Variants in MDM4 observed in about 807,000 individuals in gnomAD.
MDM4 encodes protein Mdm4.
Under a neutral mutation model 60.2 loss-of-function variants are expected in MDM4, and 2 were observed. The ratio of observed to expected loss-of-function variants is 0.03; its 90% CI spans 0.01 to 0.10. MDM4 has a LOEUF of 0.10. Among genes scored for constraint, MDM4 ranks in the 10% least tolerant of loss-of-function variants. The pLI, the probability that MDM4 is intolerant of heterozygous loss-of-function variation, is 1.00. For synonymous variants in MDM4, 202 were observed against 198.1 expected (o/e 1.02, Z -0.17); for missense variants, 447 against 577.5 (o/e 0.77, Z 2.32).
At chr1:204,543,486 A>G (rs574138940) in intron 8 of MDM4, among the ~76,000 whole-genome samples, 1 of 152,210 alleles carries the variant, frequency 6.6e-6, no homozygotes, top group Non-Finnish European at 1.5e-5. Context: ...CTGACACTGT[A>G]GCCCAAAATT....
chr1:204,523,501 T>TTGA (rs1659791860), intron 1 of MDM4, among the ~76,000 whole-genome samples: 8 of 117,462 alleles, frequency 6.8e-5, no homozygotes, highest in African/African-American at 2.2e-4. Context: ...TTTTTTTTTT[T>TTGA]GCGACAGGGT....
intron 1 of MDM4, among the ~76,000 whole-genome samples, 160 bp downstream of exon 1, chr1:204,516,669 G>A (rs1266318634): frequency 6.6e-6 from 1 of 152,302 alleles, no homozygotes; most frequent in East Asian, 1.9e-4. Flanking sequence ...GAAGGGCTCG[G>A]GGGGAGGGGA....
intron 10 of MDM4, among the ~76,000 whole-genome samples, chr1:204,547,978 T>C (rs1383142533): frequency 1.3e-5 from 2 of 152,204 alleles, no homozygotes; most frequent in Non-Finnish European, 2.9e-5. Flanking sequence ...CGCCTCAGCC[T>C]CCCACAGTGC....
In MDM4 at chr1:204,557,315, C is replaced by A. The variant is rs903819549; in HGVS notation, c.*7633C>A. ...TGAGGCTCTTGACCAGAAAAGAGTT[C>A]TTTCTCTAGGTGTTCTGAGAGAAGT... On this transcript the variant is annotated 3_prime_UTR_variant, in exon 11 of 11. Coordinates refer to ENST00000367182, the MANE Select transcript of MDM4 (RefSeq NM_002393.5). 5.3e-6 allele frequency: 1 copy of A among 187,764 alleles called. No homozygotes were observed. Among genetic ancestry groups the A allele is most frequent in the Admixed American group, 6.2e-5 (1 of 16,146 alleles). The allele number at this position is 187,764 out of a possible 1,614,324, so 11.6% of individuals were successfully genotyped here.
chr1:204,543,758 C>T (rs1001133444), intron 8 of MDM4, among the ~76,000 whole-genome samples: 1 of 152,206 alleles, frequency 6.6e-6, no homozygotes, highest in Non-Finnish European at 1.5e-5. Flanking sequence ...AGCCACTCTT[C>T]TCTTTTATCC....
At chr1:204,543,508 C>T (rs1383875850) in intron 8 of MDM4, among the ~76,000 whole-genome samples, 1 of 152,240 alleles carries the variant, frequency 6.6e-6, no homozygotes, top group Non-Finnish European at 1.5e-5. Context: ...CTGCCTTCCT[C>T]AGGCACCTTA....
At chr1:204,532,921 C>T (rs774260193) in intron 5 of MDM4, 2 of 1,340,186 alleles carry the variant, frequency 1.5e-6, no homozygotes, top group Non-Finnish European at 2.1e-6. Flanking sequence ...GCCAAGAAAG[C>T]TTTATAGGTA....
intron 10 of MDM4, 88 bp downstream of exon 10, chr1:204,546,965 T>C: frequency 1.3e-6 from 1 of 753,072 alleles, no homozygotes; most frequent in East Asian, 2.8e-5. Flanking sequence ...AAGAGTGCTG[T>C]TTACCCCTCA....
rs4252668 is a variant in MDM4, at chr1:204,516,444, T to C, written c.-101T>C. 1,125 of 152,284 alleles carry C rather than the reference T, an allele frequency of 7.4e-3. 8 individuals carry two copies. Among genetic ancestry groups the C allele is most frequent in the Middle Eastern group, 0.017 (5 of 294 alleles). 9.4% of individuals were successfully genotyped at this position (152,284 alleles called of 1,614,324 possible). ...TCAAAATGCTGCCGAGGCCCTAGGA[T>C]CTGTGACTGCCACCCCTCCCCCCAC... On this transcript the variant is annotated 5_prime_UTR_variant, in exon 1 of 11. Transcript: ENST00000367182.
intron 9 of MDM4, among the ~76,000 whole-genome samples, chr1:204,544,967 A>G (rs1233697704): frequency 6.6e-6 from 1 of 152,252 alleles, no homozygotes; most frequent in East Asian, 1.9e-4. Context: ...GTGCTAATCA[A>G]GCTTGTCCAA....
intron 1 of MDM4, among the ~76,000 whole-genome samples, chr1:204,518,922 A>G (rs1659270596): frequency 6.6e-6 from 1 of 152,142 alleles, no homozygotes. Context: ...TTGGCCTCCC[A>G]AAGTGCTGGG....
intron 2 of MDM4, 33 bp downstream of exon 2, chr1:204,525,629 T>G (rs763081695): frequency 1.0e-4 from 58 of 562,408 alleles, no homozygotes; most frequent in East Asian, 5.0e-4. Flanking sequence ...AGTTTTTTGG[T>G]TTTTTTTTTT....
At position 204,533,817 on chromosome 1, in the gene MDM4, C is replaced by G. The variant is rs183144756; in HGVS notation, c.343+1571C>G. ...TTTTTTAAATGTAGAGCGTCTTGCT[C>G]TGTCACTCAGGCTGGAATGCAGTGG... On this transcript the variant is annotated intron_variant, in intron 5 of 10. Coordinates refer to ENST00000367182, the MANE Select transcript of MDM4 (RefSeq NM_002393.5). 3.2e-3 allele frequency among the ~76,000 whole-genome samples: 445 copies of G among 138,814 alleles called. 3 individuals carry two copies. The highest frequency in any genetic ancestry group is 0.011 in the African/African-American group (423 of 38,302). 91.1% of individuals were successfully genotyped at this position (138,814 alleles called of 152,430 possible). A position where few individuals can be genotyped will look rare whatever the true frequency, so the allele number is the denominator to read the frequency against.
In MDM4 at chr1:204,519,299, C is replaced by T. The variant is rs150970898; in HGVS notation, c.-36+2790C>T. ...TGGGCGGATCACCTGGTTGGGAGTT[C>T]GAGACCAGCCTGACCAACAAAAAGA... On this transcript the variant is annotated intron_variant, in intron 1 of 10. Transcript: ENST00000367182. 3.0e-4 allele frequency among the ~76,000 whole-genome samples: 45 copies of T among 152,122 alleles called. 1 individual carries two copies. The East Asian group carries it at 6.8e-3, about 23-fold the overall frequency.
At chr1:204,524,900 C>A (rs1346296766) in intron 1 of MDM4, among the ~76,000 whole-genome samples, 1 of 152,152 alleles carries the variant, frequency 6.6e-6, no homozygotes, top group Non-Finnish European at 1.5e-5. Flanking sequence ...TACATCTTTT[C>A]TTTGATGGTA....
chr1:204,543,190 A>G (rs1212931661), intron 8 of MDM4, among the ~76,000 whole-genome samples: 2 of 152,146 alleles, frequency 1.3e-5, no homozygotes, highest in Non-Finnish European at 2.9e-5. Context: ...ACATTGAACA[A>G]TTTCAAAATG....
chr1:204,546,951 G>A (rs1662727571), intron 10 of MDM4, 74 bp downstream of exon 10: 14 of 902,738 alleles, frequency 1.6e-5, no homozygotes, highest in Non-Finnish European at 2.3e-5. Flanking sequence ...GTTCACTTGT[G>A]TTGAAGAGTG....
intron 1 of MDM4, among the ~76,000 whole-genome samples, chr1:204,524,734 G>A (rs1572455622): frequency 6.6e-6 from 1 of 152,254 alleles, no homozygotes; most frequent in Non-Finnish European, 1.5e-5. Context: ...CCGAGATTGC[G>A]CCATTGCGCT....
At chr1:204,522,073 A>C (rs1366195254) in intron 1 of MDM4, among the ~76,000 whole-genome samples, 1 of 152,168 alleles carries the variant, frequency 6.6e-6, no homozygotes, top group Admixed American at 6.5e-5. Flanking sequence ...CTGTAATCCC[A>C]GGGATTACAG....
Sources: gnomAD v4.1 joint callset for allele counts (sites outside exome capture counted in the v4.1 genomes callset) on GRCh38, gnomAD v4.1.1 for gene constraint, MANE v1.5 for transcripts, NCBI Gene and HGNC (gene_info 2026-07-23, HGNC 2026-07-21) for gene names.